The following EPHB1 variants were observed in gnomAD, a reference collection of about 807,000 sequenced individuals.
EPHB1 encodes the protein EPH receptor B1, also known as ephrin type-B receptor 1.
In EPHB1, 30 loss-of-function variants were observed where a neutral mutation model predicts 94.4. The observed-to-expected ratio is 0.32, with a 90% confidence interval of 0.24 to 0.43. The LOEUF is 0.43. Ranked by LOEUF, EPHB1 falls within the 20% of genes least tolerant of loss-of-function variation. The pLI is 1.00. For missense variants in EPHB1, 1,055 were observed against 1,308.3 expected (o/e 0.81, Z 2.99); for synonymous variants, 522 against 489.1 (o/e 1.07, Z -0.89).
Position 135,154,228 on chromosome 3 carries a change from G to A in EPHB1, c.1374G>A (p.Glu458=), listed in dbSNP as rs1421043596. The A allele has an allele frequency of 6.2e-7, 1 of 1,614,036 alleles. No individual in the cohort carries two copies. ...RSITLSWPQP[E]QPNGIILDYE... is the part of the protein sequence containing the mutation. ...TCACCTTGTCATGGCCACAGCCGGA[G>A]CAGCCCAATGGCATCATCCTGGACT... Residue 458 remains glutamate (E), a synonymous_variant, in exon 6 of 16, where the codon GAG becomes GAA. Transcript: ENST00000398015.
At chr3:135,057,642 G>C (rs1398612960) in intron 3 of EPHB1, among the ~76,000 whole-genome samples, 1 of 152,038 alleles carries the variant, frequency 6.6e-6, no homozygotes, top group African/African-American at 2.4e-5. Flanking sequence ...TTTTTTGCAG[G>C]TTCTCTGAGT....
chr3:134,853,532 T>C (rs2037038762), intron 1 of EPHB1, among the ~76,000 whole-genome samples: 1 of 152,208 alleles, frequency 6.6e-6, no homozygotes, highest in Non-Finnish European at 1.5e-5. Context: ...GTGTCACTTG[T>C]TGAAATGGGA....
Position 134,951,383 on chromosome 3 carries a change from A to G in EPHB1, c.136A>G (p.Ser46Gly), listed in dbSNP as rs2107715220. ...ANPASGWEEV[S>G]GYDENLNTIR... is the part of the protein sequence containing the mutation. ...CTGCTATGTACAGTGGGAAGAAGTC[A>G]GTGGCTACGATGAAAACCTGAACAC... The change falls in exon 3 of 16, where the codon AGT (serine) becomes GGT (glycine). Residue 46 changes from serine (S) to glycine (G), a missense_variant. Transcript: ENST00000398015. This position sits in a 1 kb window ranked among gnomAD's most constrained non-coding sequence, Gnocchi z 4.5. The G allele has an allele frequency of 6.4e-7, 1 of 1,565,200 alleles. No homozygotes were observed. Among genetic ancestry groups the G allele is most frequent in the African/African-American group, 1.4e-5 (1 of 73,800 alleles).
In EPHB1 at chr3:135,259,435, G is replaced by A. The variant is rs1008943675; in HGVS notation, c.*315G>A. The A allele has an allele frequency of 8.5e-6, 2 of 235,114 alleles. No homozygotes were observed. Among genetic ancestry groups the A allele is most frequent in the Admixed American group, 1.1e-4 (2 of 18,018 alleles). 14.6% of individuals were successfully genotyped at this position (235,114 alleles called of 1,614,324 possible). On this transcript the variant is annotated 3_prime_UTR_variant, in exon 16 of 16. Transcript: ENST00000398015. The stretch of plus-strand genomic sequence containing the variant: ...ACCCAGCTCCCATTCTCAGTGGGCT[G>A]CAGTTGCCCAACCACAGGAAGAAAG...
At position 134,867,398 on chromosome 3, in the gene EPHB1, A is replaced by G. The variant is rs373970490; in HGVS notation, c.59-58418A>G. On this transcript the variant is annotated intron_variant, in intron 1 of 15. Transcript: ENST00000398015. ...TCAGTAAAGGGGTTGGTGCCATCCC[A>G]GTGGGTCTCTGTGCAGTTAATCAGG... Among the ~76,000 whole-genome samples the G allele has an allele frequency of 2.6e-5, 4 of 152,114 alleles. No homozygotes were observed. The East Asian group carries it at 5.8e-4, about 22-fold the overall frequency.
Position 135,166,014 on chromosome 3 carries a change from C to T in EPHB1, c.1632C>T (p.Gly544=), listed in dbSNP as rs1324207827. ...GGGAGCAGCTGCCCCTGATTGCTGG[C>T]TCGGCAGCGGCCGGGGTCGTGTTCG... is the stretch of plus-strand genomic sequence containing the variant. ...ELREQLPLIA[G]SAAAGVVFVV... The change falls in exon 8 of 16, where the codon GGC becomes GGT. Residue 544 remains glycine (G), a synonymous_variant. Transcript: ENST00000398015. The T allele has an allele frequency of 6.2e-7, 1 of 1,613,984 alleles. No homozygotes were observed. The highest frequency in any genetic ancestry group is 8.5e-7 in the Non-Finnish European group (1 of 1,179,876).
At chr3:134,808,133 T>C (rs895102486) in intron 1 of EPHB1, among the ~76,000 whole-genome samples, 1 of 152,246 alleles carries the variant, frequency 6.6e-6, no homozygotes, top group Non-Finnish European at 1.5e-5. Context: ...CAGTCACTTA[T>C]GTTGACTTCA....
intron 5 of EPHB1, among the ~76,000 whole-genome samples, chr3:135,134,128 T>G (rs965392317): frequency 5.9e-5 from 9 of 152,216 alleles, no homozygotes; most frequent in Non-Finnish European, 5.9e-5. Context: ...GAAGTGAACA[T>G]CACATGCACA....
intron 12 of EPHB1, among the ~76,000 whole-genome samples, chr3:135,228,117 T>C (rs1943442834): frequency 6.6e-6 from 1 of 152,208 alleles, no homozygotes; most frequent in Admixed American, 6.5e-5. Flanking sequence ...AAAAAGTATC[T>C]TTTTTAGCCT....
At chr3:135,233,251 A>G (rs1943573943) in intron 12 of EPHB1, among the ~76,000 whole-genome samples, 1 of 152,238 alleles carries the variant, frequency 6.6e-6, no homozygotes, top group South Asian at 2.1e-4. Flanking sequence ...CCTAGTTACA[A>G]TGGGGGTACA....
rs576044422 is a variant in EPHB1 at position 134,833,988 on chromosome 3, T to G, written c.58+38299T>G. Among the ~76,000 whole-genome samples, 3 of 152,174 alleles carry G rather than the reference T, an allele frequency of 2.0e-5. No individual in the cohort carries two copies. In the South Asian group the frequency reaches 6.2e-4, roughly 32 times the overall value. ...TTAGGCAGGGGAACCACTAAAGGGT[T>G]TTAGGCAAATTTACCTGTAAGAAAG... is the stretch of plus-strand genomic sequence containing the variant. On this transcript the variant is annotated intron_variant, in intron 1 of 15. Coordinates refer to ENST00000398015, the MANE Select transcript of EPHB1 (RefSeq NM_004441.5).
At chr3:135,212,272 T>A (rs1943049557) in intron 12 of EPHB1, among the ~76,000 whole-genome samples, 1 of 152,254 alleles carries the variant, frequency 6.6e-6, no homozygotes, top group Admixed American at 6.5e-5. Context: ...TTAAAATCTT[T>A]GATAATGTTA....
At chr3:134,850,710 A>G (rs1271982302) in intron 1 of EPHB1, among the ~76,000 whole-genome samples, 9 of 152,224 alleles carry the variant, frequency 5.9e-5, no homozygotes, top group Admixed American at 5.9e-4. Flanking sequence ...GTGCCTGAGC[A>G]AGGAGGAGCG....
At chr3:135,118,930 G>A (rs1451917903) in intron 4 of EPHB1, among the ~76,000 whole-genome samples, 4 of 152,098 alleles carry the variant, frequency 2.6e-5, no homozygotes, top group African/African-American at 9.7e-5. Flanking sequence ...GCTGGGCTAC[G>A]GGGTGCATGC....
chr3:135,240,886 T>C (rs539693602), intron 12 of EPHB1, among the ~76,000 whole-genome samples: 1 of 150,298 alleles, frequency 6.7e-6, no homozygotes, highest in South Asian at 2.2e-4. Context: ...TGCAGCAACA[T>C]TGGAACCCAC....
At chr3:134,857,359 A>G (rs2037144014) in intron 1 of EPHB1, among the ~76,000 whole-genome samples, 3 of 151,962 alleles carry the variant, frequency 2.0e-5, no homozygotes, top group Non-Finnish European at 4.4e-5. Context: ...TTCTCCTGCT[A>G]GCTGCCTCAC....
At chr3:135,239,591 G>GTTT (rs1943732298) in intron 12 of EPHB1, among the ~76,000 whole-genome samples, 1 of 152,140 alleles carries the variant, frequency 6.6e-6, no homozygotes, top group Non-Finnish European at 1.5e-5. Context: ...AAACTGAAAA[G>GTTT]GGGGGTCATA....
At chr3:135,109,581 G>C (rs1364521292) in intron 4 of EPHB1, among the ~76,000 whole-genome samples, 1 of 152,220 alleles carries the variant, frequency 6.6e-6, no homozygotes, top group Non-Finnish European at 1.5e-5. Context: ...AAATAAAAGT[G>C]ATGTTGTTGG....
intron 3 of EPHB1, among the ~76,000 whole-genome samples, chr3:134,958,439 T>C (rs947371372): frequency 6.6e-6 from 1 of 151,438 alleles, no homozygotes; most frequent in Non-Finnish European, 1.5e-5. Flanking sequence ...TGTGTGTGTG[T>C]GTGTGTGTGT....
Sources: gnomAD v4.1 joint callset for allele counts (sites outside exome capture counted in the v4.1 genomes callset) on GRCh38, gnomAD v4.1.1 for gene constraint, Gnocchi (gnomAD v3.1) non-coding constraint, MANE v1.5 for transcripts, NCBI Gene and HGNC (gene_info 2026-07-23, HGNC 2026-07-21) for gene names.